Variants in NUP93 observed in about 807,000 individuals in gnomAD.
NUP93 encodes the protein nucleoporin 93.
In NUP93, 55 loss-of-function variants were observed where a neutral mutation model predicts 107.8. The ratio of observed to expected loss-of-function variants is 0.51; its 90% CI spans 0.41 to 0.64. The LOEUF is 0.64. Ranked by LOEUF, NUP93 falls within the 30% of genes least tolerant of loss-of-function variation. The probability of loss-of-function intolerance (pLI) is 0.00; values close to 1 mark genes in which losing one functional copy is unlikely to be tolerated. For missense variants in NUP93, 937 were observed against 1,044.7 expected (o/e 0.90, Z 1.42); for synonymous variants, 390 against 397.5 (o/e 0.98, Z 0.22).
chr16:56,823,296 A>T (rs1349959764), intron 7 of NUP93, among the ~76,000 whole-genome samples: 2 of 152,224 alleles, frequency 1.3e-5, no homozygotes, highest in Non-Finnish European at 2.9e-5. Context: ...TTAGAAACTC[A>T]GATAACCTTG....
At chr16:56,836,771 G>A in intron 17 of NUP93, 54 bp downstream of exon 17, 2 of 1,175,928 alleles carry the variant, frequency 1.7e-6, no homozygotes, top group Admixed American at 1.8e-5. Context: ...TGGCCTTTTG[G>A]CATTAAATGT....
chr16:56,821,974 G>A (rs191125448), intron 7 of NUP93, among the ~76,000 whole-genome samples: 5 of 150,562 alleles, frequency 3.3e-5, no homozygotes, highest in African/African-American at 9.8e-5. Flanking sequence ...AACTTGACTC[G>A]GTGGGGCCTT....
At chr16:56,784,827 C>T (rs908085065) in intron 3 of NUP93, among the ~76,000 whole-genome samples, 3 of 152,140 alleles carry the variant, frequency 2.0e-5, no homozygotes, top group African/African-American at 4.8e-5. Flanking sequence ...TCTTGTTGCA[C>T]TAGCTCCTGT....
intron 6 of NUP93, among the ~76,000 whole-genome samples, chr16:56,820,345 T>C (rs1056567308): frequency 2.0e-5 from 3 of 152,224 alleles, no homozygotes; most frequent in Non-Finnish European, 4.4e-5. Flanking sequence ...AGTCTTGCTC[T>C]TTCACCCAGG....
chr16:56,846,923 A>G lies in NUP93; in HGVS notation c.*2314A>G, dbSNP rs945264549. On this transcript the variant is annotated 3_prime_UTR_variant, in exon 22 of 22. Coordinates refer to ENST00000308159, the MANE Select transcript of NUP93 (RefSeq NM_014669.5). The stretch of plus-strand genomic sequence containing the variant: ...GCCTTTCCTTGCATCCTGCAGTTCT[A>G]CTTGTCTCAGAGAGAACTGCACACC... The G allele has an allele frequency of 1.3e-5, 2 of 152,128 alleles. No homozygotes were observed. Among genetic ancestry groups the G allele is most frequent in the East Asian group, 1.9e-4 (1 of 5,184 alleles). 9.4% of individuals were successfully genotyped at this position (152,128 alleles called of 1,614,324 possible).
intron 3 of NUP93, among the ~76,000 whole-genome samples, chr16:56,762,233 C>G (rs1324299962): frequency 6.6e-6 from 1 of 152,108 alleles, no homozygotes; most frequent in African/African-American, 2.4e-5. Flanking sequence ...CCTAATGTGT[C>G]ATGGATACGT....
chr16:56,837,726 G>C lies in NUP93; in HGVS notation c.2018G>C (p.Arg673Pro). ...LKNMALSIAE[R>P]YRAQGISANK... ...AACATGGCACTCTCCATTGCCGAAC[G>C]GTAAGCCAGGAGCTGGCTCCATGGG... is the stretch of plus-strand genomic sequence containing the variant. Residue 673 changes from arginine (R) to proline (P), a missense_variant and splice_region_variant, in exon 18 of 22, where the codon CGG (arginine) becomes CCG (proline). Coordinates refer to ENST00000308159, the MANE Select transcript of NUP93 (RefSeq NM_014669.5). 2 of 1,611,990 alleles carry C rather than the reference G, an allele frequency of 1.2e-6. No individual in the cohort carries two copies. The highest frequency in any genetic ancestry group is 3.3e-4 in the Middle Eastern group (2 of 6,060).
At chr16:56,799,921 G>A (rs922724713) in intron 4 of NUP93, among the ~76,000 whole-genome samples, 1 of 152,130 alleles carries the variant, frequency 6.6e-6, no homozygotes, top group Non-Finnish European at 1.5e-5. Flanking sequence ...AGTGGCTCAC[G>A]CCTGTAATCC....
At chr16:56,843,713 G>A (rs948794288) in intron 21 of NUP93, among the ~76,000 whole-genome samples, 7 of 152,178 alleles carry the variant, frequency 4.6e-5, no homozygotes, top group African/African-American at 1.4e-4. Context: ...ACATACACTC[G>A]CTAGTTTGTT....
At chr16:56,823,573 A>C in intron 7 of NUP93, 134 bp from the exon 8 acceptor site, 1 of 1,050,292 alleles carries the variant, frequency 9.5e-7, no homozygotes, top group Non-Finnish European at 1.4e-6. Flanking sequence ...GCTTAAGCCT[A>C]GCCGTCACAG....
At chr16:56,730,554 T>A (rs1339957404) in intron 1 of NUP93, among the ~76,000 whole-genome samples, 2 of 152,064 alleles carry the variant, frequency 1.3e-5, no homozygotes, top group Admixed American at 6.5e-5. Flanking sequence ...TGCCTAAGCC[T>A]GCGCCACAAC....
At chr16:56,773,705 T>C (rs561543835) in intron 3 of NUP93, among the ~76,000 whole-genome samples, 2 of 152,326 alleles carry the variant, frequency 1.3e-5, no homozygotes, top group African/African-American at 2.4e-5. Flanking sequence ...TAACAAGTAC[T>C]CCAGCTTGAG....
intron 18 of NUP93, among the ~76,000 whole-genome samples, chr16:56,838,616 A>T (rs1271866932): frequency 6.6e-6 from 1 of 152,012 alleles, no homozygotes; most frequent in Non-Finnish European, 1.5e-5. Flanking sequence ...GCTGGAGTGG[A>T]GTGCAGTAGT....
At position 56,833,117 on chromosome 16, in the gene NUP93, G is replaced by A. The variant is rs138146624; in HGVS notation, c.1346-98G>A. The A allele has an allele frequency of 8.4e-5, 85 of 1,008,762 alleles. No individual in the cohort carries two copies. In the African/African-American group the frequency reaches 1.3e-3, roughly 16 times the overall value. 62.5% of individuals were successfully genotyped at this position (1,008,762 alleles called of 1,614,324 possible). A position where few individuals can be genotyped will look rare whatever the true frequency, so the allele number is the denominator to read the frequency against. ...CTGGTGCTTTCTTCCTGTCCAGCAA[G>A]TCCTGTGGGCTCACAGGGCTGCTGC... On this transcript the variant is annotated intron_variant, in intron 12 of 21. Coordinates refer to ENST00000308159, the MANE Select transcript of NUP93 (RefSeq NM_014669.5).
chr16:56,792,208 A>C (rs1026762268), intron 3 of NUP93, among the ~76,000 whole-genome samples: 1 of 152,128 alleles, frequency 6.6e-6, no homozygotes, highest in African/African-American at 2.4e-5. Context: ...ACAAAAAAAC[A>C]AAAAACTGGT....
Position 56,784,795 on chromosome 16 carries a change from TAA to T in NUP93, c.298-13679_298-13678del, listed in dbSNP as rs372100246. Among the ~76,000 whole-genome samples the T allele has an allele frequency of 4.6e-5, 7 of 152,324 alleles. No homozygotes were observed. The East Asian group carries it at 1.4e-3, about 29-fold the overall frequency. Reference sequence around the variant, plus strand: ...TCCTTTTAACTTGATATCAAATTTATAAAGCCAGCTGTTCTTCTAGCTCTTGT... The same window carrying T: ...TCCTTTTAACTTGATATCAAATTTATAGCCAGCTGTTCTTCTAGCTCTTGT... On this transcript the variant is annotated intron_variant, in intron 3 of 21. Transcript: ENST00000308159.
chr16:56,771,278 T>A lies in NUP93; in HGVS notation c.297+12623T>A, dbSNP rs181983929. Among the ~76,000 whole-genome samples the A allele has an allele frequency of 2.2e-3, 332 of 152,316 alleles. 2 individuals are homozygous for A. The highest frequency in any genetic ancestry group is 1.8e-3 in the Admixed American group (28 of 15,308). ...ACTGCAGTGTATGAGATGGATTGAG[T>A]GAGTGTTGGCATCATCTTTATTTAA... On this transcript the variant is annotated intron_variant, in intron 3 of 21. Coordinates refer to ENST00000308159, the MANE Select transcript of NUP93 (RefSeq NM_014669.5).
At chr16:56,832,216 C>G in intron 11 of NUP93, 79 bp from the exon 12 acceptor site, 1 of 1,319,656 alleles carries the variant, frequency 7.6e-7, no homozygotes, top group Non-Finnish European at 1.1e-6. Flanking sequence ...TTGAGCATGG[C>G]TGCTGAACAG....
chr16:56,760,409 T>C (rs1044556642), intron 3 of NUP93, among the ~76,000 whole-genome samples: 1 of 152,030 alleles, frequency 6.6e-6, no homozygotes, highest in Non-Finnish European at 1.5e-5. Flanking sequence ...GACTGGGTAA[T>C]ATATAAAGAA....
Sources: allele counts gnomAD v4.1 joint callset (sites outside exome capture counted in the v4.1 genomes callset), GRCh38; gene constraint gnomAD v4.1.1; transcripts MANE v1.5; gene names NCBI Gene and HGNC (gene_info 2026-07-23, HGNC 2026-07-21).